MT1F: variants seen among roughly 807,000 people sequenced by gnomAD.
MT1F encodes metallothionein-1F.
A neutral mutation model predicts 5.4 loss-of-function variants in MT1F; 6 were observed. That is an observed-to-expected ratio of 1.11 (90% CI 0.61 to 2.19). The LOEUF (loss-of-function observed/expected upper bound fraction) is 2.19. Ranked by LOEUF, MT1F falls within the 30% of genes most tolerant of loss-of-function variation. The pLI is 0.00. For synonymous variants in MT1F, 28 were observed against 28.3 expected (o/e 0.99, Z 0.04); for missense variants, 82 against 77.0 (o/e 1.07, Z -0.24).
Position 56,659,236 on chromosome 16 carries a change from C to A in MT1F, c.*72C>A. 7.0e-7 allele frequency: 1 copy of A among 1,437,520 alleles called. No homozygotes were observed. The allele number at this position is 1,437,520 out of a possible 1,614,324, so 89.0% of individuals were successfully genotyped here. A position where few individuals can be genotyped will look rare whatever the true frequency, so the allele number is the denominator to read the frequency against. ...AACCTGGATTTTTTTTTTATACCAC[C>A]TTGACCCATTTGCTACATTCCTTTT... On this transcript the variant is annotated 3_prime_UTR_variant, in exon 3 of 3. Transcript: ENST00000334350.
chr16:56,658,749 G>A lies in MT1F; in HGVS notation c.94+9G>A. The A allele has an allele frequency of 2.5e-6, 4 of 1,614,250 alleles. No homozygotes were observed. The highest frequency in any genetic ancestry group is 3.4e-6 in the Non-Finnish European group (4 of 1,180,034). ...CACCTCCTGCAAGAAGAGTGAGTGT[G>A]AGGCCATCTCCATGGTCTGGGGCTG... On this transcript the variant is annotated intron_variant, in intron 2 of 2. Transcript: ENST00000334350.
In MT1F at chr16:56,658,390, G is replaced by A. The variant is rs1446880568; in HGVS notation, c.29-285G>A. On this transcript the variant is annotated intron_variant, in intron 1 of 2. Transcript: ENST00000334350. ...GAGCAGCAGGATTAGATAGGAGGCA[G>A]GGGACATTGCCTCTTCGGGGTTCAG... 6.8e-6 allele frequency: 4 copies of A among 588,470 alleles called. No individual in the cohort carries two copies. The African/African-American group carries it at 7.4e-5, about 11-fold the overall frequency. 36.5% of individuals were successfully genotyped at this position (588,470 alleles called of 1,614,324 possible).
At chr16:56,658,566 T>C in intron 1 of MT1F, 109 bp from the exon 2 acceptor site, 1 of 1,136,426 alleles carries the variant, frequency 8.8e-7, no homozygotes. Flanking sequence ...AAAGGAGCTC[T>C]GAGGGCTGGC....
chr16:56,659,213 CCTGGATTTTTTTTTT>C lies in MT1F; in HGVS notation c.*50_*64del, dbSNP rs750972146. The C allele has an allele frequency of 2.5e-6, 4 of 1,590,766 alleles. No individual in the cohort carries two copies. The highest frequency in any genetic ancestry group is 3.4e-6 in the Non-Finnish European group (4 of 1,164,090). On this transcript the variant is annotated 3_prime_UTR_variant, in exon 3 of 3. Transcript: ENST00000334350. Reference sequence around the variant, plus strand: ...ATGTAAACAGAGAGACATGTACAAACCTGGATTTTTTTTTTATACCACCTTGACCCATTTGCTACA... The same window carrying C: ...ATGTAAACAGAGAGACATGTACAAACATACCACCTTGACCCATTTGCTACA...
intron 1 of MT1F, chr16:56,658,316 G>C (rs563110012): frequency 4.3e-5 from 26 of 603,326 alleles, no homozygotes; most frequent in African/African-American, 3.5e-4. Flanking sequence ...CACGTCATGC[G>C]GTTTGTCCCA....
Position 56,658,755 on chromosome 16 carries a change from A to G in MT1F, c.94+15A>G, listed in dbSNP as rs1960654033. ...CTGCAAGAAGAGTGAGTGTGAGGCC[A>G]TCTCCATGGTCTGGGGCTGTGGCTA... is the stretch of plus-strand genomic sequence containing the variant. On this transcript the variant is annotated intron_variant, in intron 2 of 2. Transcript: ENST00000334350. 1 of 1,614,060 alleles carries G rather than the reference A, an allele frequency of 6.2e-7. No homozygotes were observed. Among genetic ancestry groups the G allele is most frequent in the East Asian group, 2.2e-5 (1 of 44,886 alleles).
chr16:56,658,206 T>G, intron 1 of MT1F, 120 bp downstream of exon 1: 3 of 1,099,236 alleles, frequency 2.7e-6, no homozygotes, highest in Non-Finnish European at 2.7e-6. Flanking sequence ...CTTGACTTAG[T>G]CCAGTGCTTT....
At position 56,658,016 on chromosome 16, in the gene MT1F, C is replaced by T. The variant is rs748019031; in HGVS notation, c.-43C>T. 1 of 1,610,998 alleles carries T rather than the reference C, an allele frequency of 6.2e-7. No homozygotes were observed. The highest frequency in any genetic ancestry group is 8.5e-7 in the Non-Finnish European group (1 of 1,177,716). ...ACGCCTTCCACCTGCCCCACTGCTT[C>T]TTCGCTTCTCTCTTGGAAAGTCCAG... On this transcript the variant is annotated 5_prime_UTR_variant, in exon 1 of 3. Coordinates refer to ENST00000334350, the MANE Select transcript of MT1F (RefSeq NM_005949.4).
In MT1F at chr16:56,659,113, C is replaced by T; in HGVS notation, c.135C>T (p.Ala45=). The part of the protein sequence containing the change: ...SCCPVGCSKC[A]QGCVCKGASE... Reference sequence around the variant, plus strand: ...GCCCCGTGGGCTGTAGCAAGTGTGCCCAGGGCTGTGTTTGCAAAGGGGCGT... The same window carrying T: ...GCCCCGTGGGCTGTAGCAAGTGTGCTCAGGGCTGTGTTTGCAAAGGGGCGT... The change falls in exon 3 of 3, where the codon GCC becomes GCT. Residue 45 remains alanine, a synonymous_variant. Coordinates refer to ENST00000334350, the MANE Select transcript of MT1F (RefSeq NM_005949.4). 1 of 1,614,058 alleles carries T rather than the reference C, an allele frequency of 6.2e-7. No individual in the cohort carries two copies. Among genetic ancestry groups the T allele is most frequent in the Non-Finnish European group, 8.5e-7 (1 of 1,179,986 alleles).
Position 56,658,040 on chromosome 16 carries a change from A to G in MT1F, c.-19A>G. 13 of 1,613,964 alleles carry G rather than the reference A, an allele frequency of 8.1e-6. No homozygotes were observed. Among genetic ancestry groups the G allele is most frequent in the Non-Finnish European group, 1.1e-5 (13 of 1,179,864 alleles). On this transcript the variant is annotated 5_prime_UTR_variant, in exon 1 of 3. Transcript: ENST00000334350. ...TCTTCGCTTCTCTCTTGGAAAGTCC[A>G]GTCTCTCCTCGGCTTGCAATGGACC...
chr16:56,658,643 C>T (rs77781852), intron 1 of MT1F, 32 bp from the exon 2 acceptor site: 33 of 1,613,058 alleles, frequency 2.0e-5, no homozygotes, highest in South Asian at 1.2e-4. Flanking sequence ...GGTCACTCGC[C>T]GCTCACTGGC....
intron 1 of MT1F, 156 bp from the exon 2 acceptor site, chr16:56,658,519 G>C: frequency 1.4e-6 from 1 of 727,668 alleles, no homozygotes; most frequent in Non-Finnish European, 2.3e-6. Context: ...CATGAAGGGA[G>C]AGGACATGGG....
chr16:56,658,089 A>T lies in MT1F; in HGVS notation c.28+3A>T. On this transcript the variant is annotated splice_donor_region_variant and intron_variant, in intron 1 of 2. Coordinates refer to ENST00000334350, the MANE Select transcript of MT1F (RefSeq NM_005949.4). ...CCCCAACTGCTCCTGCGCCGCTGGT[A>T]AGGAACGCCGGGTTCCGTGCCTGGG... The T allele has an allele frequency of 6.2e-7, 1 of 1,614,032 alleles. No individual in the cohort carries two copies. Among genetic ancestry groups the T allele is most frequent in the Non-Finnish European group, 8.5e-7 (1 of 1,179,930 alleles).
chr16:56,658,347 G>C, intron 1 of MT1F: 1 of 586,862 alleles, frequency 1.7e-6, no homozygotes, highest in Non-Finnish European at 3.0e-6. Context: ...CTGAGCCCCA[G>C]TGCTCTGACC....
rs759742897 is a variant in MT1F, at chr16:56,658,071, T to C, written c.13T>C (p.Cys5Arg). MDPN[C>R]SCAAGVSCTC... ...TCCTCGGCTTGCAATGGACCCCAAC[T>C]GCTCCTGCGCCGCTGGTAAGGAACG... is the stretch of plus-strand genomic sequence containing the variant. The change falls in exon 1 of 3, where the codon TGC becomes CGC. Residue 5 changes from cysteine to arginine, a missense_variant. By Grantham distance (180) the Cys-to-Arg change is radical. Transcript: ENST00000334350. The C allele has an allele frequency of 3.1e-6, 5 of 1,614,044 alleles. No homozygotes were observed. Among genetic ancestry groups the C allele is most frequent in the East Asian group, 4.5e-5 (2 of 44,886 alleles).
chr16:56,659,002 G>T, intron 2 of MT1F, 71 bp from the exon 3 acceptor site: 2 of 1,357,802 alleles, frequency 1.5e-6, no homozygotes, highest in Non-Finnish European at 2.1e-6. Flanking sequence ...GGCTCTGTTG[G>T]GGGCCTCTGT....
Position 56,659,114 on chromosome 16 carries a change from C to T in MT1F, c.136C>T (p.Gln46Ter). 6.2e-7 allele frequency: 1 copy of T among 1,614,090 alleles called. No homozygotes were observed. The highest frequency in any genetic ancestry group is 1.3e-5 in the African/African-American group (1 of 75,044). The change falls in exon 3 of 3, where the codon CAG becomes TAG. Residue 46 changes from glutamine (Q) to a stop codon, truncating the protein, a stop_gained. Coordinates refer to ENST00000334350, the MANE Select transcript of MT1F (RefSeq NM_005949.4). LOFTEE classifies it high-confidence loss of function. Reference sequence around the variant, plus strand: ...CCCCGTGGGCTGTAGCAAGTGTGCCCAGGGCTGTGTTTGCAAAGGGGCGTC... The same window carrying T: ...CCCCGTGGGCTGTAGCAAGTGTGCCTAGGGCTGTGTTTGCAAAGGGGCGTC... ...CCPVGCSKCA[Q>*]GCVCKGASEK...
At chr16:56,658,482 A>C (rs1344355208) in intron 1 of MT1F, 193 bp from the exon 2 acceptor site, 2 of 635,386 alleles carry the variant, frequency 3.1e-6, no homozygotes, top group East Asian at 2.7e-5. Context: ...TTTGGAGTGC[A>C]AACAGGAGGC....
In MT1F at chr16:56,659,198, A is replaced by G; in HGVS notation, c.*34A>G. 1.2e-6 allele frequency: 2 copies of G among 1,608,506 alleles called. No individual in the cohort carries two copies. The highest frequency in any genetic ancestry group is 1.7e-6 in the Non-Finnish European group (2 of 1,175,510). On this transcript the variant is annotated 3_prime_UTR_variant, in exon 3 of 3. Coordinates refer to ENST00000334350, the MANE Select transcript of MT1F (RefSeq NM_005949.4). The stretch of plus-strand genomic sequence containing the variant: ...CAACCTTTCTCCCAGATGTAAACAG[A>G]GAGACATGTACAAACCTGGATTTTT...
Sources: allele counts gnomAD v4.1 joint callset, GRCh38; gene constraint gnomAD v4.1.1; transcripts MANE v1.5; gene names NCBI Gene and HGNC (gene_info 2026-07-23, HGNC 2026-07-21).